Variants in DAB1 observed in about 807,000 individuals in gnomAD.
DAB1 encodes disabled homolog 1.
Under a neutral mutation model 64.6 loss-of-function variants are expected in DAB1, and 15 were observed. The ratio of observed to expected loss-of-function variants is 0.23; its 90% CI spans 0.16 to 0.36. DAB1 has a LOEUF of 0.36. Ranked by LOEUF, DAB1 falls within the 10% of genes least tolerant of loss-of-function variation. The pLI, the probability that DAB1 is intolerant of heterozygous loss-of-function variation, is 1.00. For missense variants in DAB1, 596 were observed against 706.7 expected (o/e 0.84, Z 1.78); for synonymous variants, 235 against 251.9 (o/e 0.93, Z 0.64).
chr1:58,433,519 C>T (rs72669853), intron 3 of DAB1, among the ~76,000 whole-genome samples: 22,332 of 150,640 alleles, frequency 0.15, 2,147 homozygotes, highest in Non-Finnish European at 0.22. Flanking sequence ...AGACTTTGTG[C>T]TGCGACATCC....
At chr1:57,719,980 G>A (rs986083137) in intron 6 of DAB1, among the ~76,000 whole-genome samples, 2 of 152,102 alleles carry the variant, frequency 1.3e-5, no homozygotes, top group African/African-American at 2.4e-5. Flanking sequence ...TTTTCTCTTT[G>A]ACATTTAGTT....
Position 57,186,869 on chromosome 1 carries a change from C to T in DAB1, c.68-41440G>A, listed in dbSNP as rs533142137. Among the ~76,000 whole-genome samples the T allele has an allele frequency of 3.9e-5, 6 of 152,230 alleles. No homozygotes were observed. The South Asian group carries it at 1.2e-3, about 32-fold the overall frequency. On this transcript the variant is annotated intron_variant, in intron 2 of 14. Transcript: ENST00000371236. ...CTTAAGGAATAATTATGCTCTGTAACTGAATAACAGACTGGCAACTGGGGA... is the reference window on the plus strand; with the variant it reads ...CTTAAGGAATAATTATGCTCTGTAATTGAATAACAGACTGGCAACTGGGGA...
Position 57,278,131 on chromosome 1 carries a change from C to G in DAB1, c.67+12833G>C, listed in dbSNP as rs561846438. Among the ~76,000 whole-genome samples, 8 of 152,302 alleles carry G rather than the reference C, an allele frequency of 5.3e-5. 1 individual carries two copies. The East Asian group carries it at 1.5e-3, about 29-fold the overall frequency. On this transcript the variant is annotated intron_variant, in intron 2 of 14. Coordinates refer to ENST00000371236, the MANE Select transcript of DAB1 (RefSeq NM_001365792.1). ...TTTGATGGTCTCTGCTGGGAAACAG[C>G]ATGGTGTAGCGGAAAGAGCTTGTGC...
intron 2 of DAB1, among the ~76,000 whole-genome samples, chr1:57,155,044 A>G (rs1660075636): frequency 1.3e-5 from 2 of 152,174 alleles, no homozygotes; most frequent in African/African-American, 2.4e-5. Context: ...CCATTTGTAC[A>G]TGGAAATTTT....
chr1:57,796,487 G>A (rs1485538851), intron 6 of DAB1, among the ~76,000 whole-genome samples: 7 of 151,792 alleles, frequency 4.6e-5, no homozygotes, highest in East Asian at 3.9e-4. Flanking sequence ...AGATCGTGCC[G>A]CTGCATTCCA....
intron 7 of DAB1, among the ~76,000 whole-genome samples, chr1:57,484,802 TGAGA>T (rs751788721): frequency 3.3e-5 from 5 of 151,010 alleles, no homozygotes; most frequent in Non-Finnish European, 5.9e-5. Flanking sequence ...TATTTGAGAA[TGAGA>T]GAGAGAGAGA....
intron 3 of DAB1, among the ~76,000 whole-genome samples, chr1:58,405,062 AT>A (rs1644603383): frequency 6.6e-6 from 1 of 152,060 alleles, no homozygotes; most frequent in Admixed American, 6.5e-5. Flanking sequence ...CTTCAGGATC[AT>A]TTCCTGCTAC....
intron 4 of DAB1, among the ~76,000 whole-genome samples, chr1:58,182,887 T>C (rs1197274242): frequency 6.6e-6 from 1 of 151,982 alleles, no homozygotes; most frequent in African/African-American, 2.4e-5. Flanking sequence ...GTTGTTGTTG[T>C]TTTACAAGTG....
chr1:57,564,002 C>T (rs1645085912), intron 7 of DAB1, among the ~76,000 whole-genome samples: 1 of 152,182 alleles, frequency 6.6e-6, no homozygotes, highest in South Asian at 2.1e-4. Context: ...CAAGTGGGTC[C>T]CTGACCCCTG....
chr1:57,881,312 T>C (rs2101970279), intron 1 of DAB1, among the ~76,000 whole-genome samples: 1 of 152,306 alleles, frequency 6.6e-6, no homozygotes, highest in South Asian at 2.1e-4. Context: ...GTCTGTAGAA[T>C]AATGATCTTT....
At chr1:58,034,412 C>T (rs1356649772) in intron 5 of DAB1, among the ~76,000 whole-genome samples, 1 of 152,190 alleles carries the variant, frequency 6.6e-6, no homozygotes, top group African/African-American at 2.4e-5. Context: ...CAGCCTGAGC[C>T]AGAGGCTCCA....
chr1:58,047,481 A>G (rs1484095304), intron 5 of DAB1, among the ~76,000 whole-genome samples: 1 of 152,160 alleles, frequency 6.6e-6, no homozygotes, highest in Non-Finnish European at 1.5e-5. Flanking sequence ...CTCACAAATG[A>G]GGGGTGTGGG....
chr1:58,066,833 CTT>C (rs1648882797), intron 5 of DAB1, among the ~76,000 whole-genome samples: 1 of 152,204 alleles, frequency 6.6e-6, no homozygotes. Flanking sequence ...CGTTTTCCAC[CTT>C]GCAGTCAGAG....
intron 7 of DAB1, among the ~76,000 whole-genome samples, chr1:57,601,283 G>C (rs1201904620): frequency 6.6e-6 from 1 of 152,078 alleles, no homozygotes; most frequent in Non-Finnish European, 1.5e-5. Flanking sequence ...TTCTTTATTT[G>C]AAAAATAGGG....
chr1:58,520,057 G>T (rs1019227505), intron 2 of DAB1, among the ~76,000 whole-genome samples: 4 of 152,106 alleles, frequency 2.6e-5, no homozygotes, highest in Non-Finnish European at 5.9e-5. Context: ...ACTACACATG[G>T]ACACAAAGAT....
chr1:57,241,449 C>G (rs1379024634), intron 2 of DAB1, among the ~76,000 whole-genome samples: 1 of 152,144 alleles, frequency 6.6e-6, no homozygotes, highest in African/African-American at 2.4e-5. Context: ...AGCCTACCAA[C>G]CAGGGCACAA....
chr1:57,276,250 C>T (rs148186135), intron 2 of DAB1, among the ~76,000 whole-genome samples: 2 of 152,342 alleles, frequency 1.3e-5, no homozygotes, highest in African/African-American at 2.4e-5. Context: ...TTTCAGAATC[C>T]TCTCCATAGC....
chr1:58,053,351 C>T (rs1210704283), intron 5 of DAB1, among the ~76,000 whole-genome samples: 1 of 152,154 alleles, frequency 6.6e-6, no homozygotes, highest in Admixed American at 6.5e-5. Flanking sequence ...AGGCTGCTTC[C>T]GCACATGGCA....
chr1:57,324,293 C>T (rs940805824), intron 1 of DAB1, among the ~76,000 whole-genome samples: 5 of 152,182 alleles, frequency 3.3e-5, no homozygotes, highest in African/African-American at 9.6e-5. Flanking sequence ...TGCAGTTAAT[C>T]GTTCACATTT....
Sources: allele counts gnomAD v4.1 joint callset (sites outside exome capture counted in the v4.1 genomes callset), GRCh38; gene constraint gnomAD v4.1.1; transcripts MANE v1.5; gene names NCBI Gene and HGNC (gene_info 2026-07-23, HGNC 2026-07-21).